FGGY: variants seen among roughly 807,000 people sequenced by gnomAD.
FGGY encodes the protein FGGY carbohydrate kinase domain-containing protein.
Under a neutral mutation model 71.3 loss-of-function variants are expected in FGGY, and 72 were observed. That is an observed-to-expected ratio of 1.01 (90% CI 0.84 to 1.23). The LOEUF is 1.23. Among genes scored for constraint, FGGY ranks in the 50% most tolerant of loss-of-function variants. The probability of loss-of-function intolerance (pLI) is 0.00; values close to 1 mark genes in which losing one functional copy is unlikely to be tolerated. For missense variants in FGGY, 668 were observed against 682.3 expected, an observed-to-expected ratio of 0.98 and a Z score of 0.23; for synonymous variants, 251 against 250.3, an observed-to-expected ratio of 1.00 and a Z score of -0.02.
At chr1:59,593,195 C>T (rs1571843612) in intron 8 of FGGY, among the ~76,000 whole-genome samples, 1 of 152,214 alleles carries the variant, frequency 6.6e-6, no homozygotes, top group African/African-American at 2.4e-5. Context: ...TGAATCAAAA[C>T]AGAAATGAAC....
intron 8 of FGGY, among the ~76,000 whole-genome samples, chr1:59,558,949 G>A (rs1237608938): frequency 6.6e-6 from 1 of 152,142 alleles, no homozygotes; most frequent in East Asian, 1.9e-4. Context: ...TCTGCAAGAA[G>A]AAAAATATGG....
At chr1:59,354,136 A>C (rs1246626799) in intron 4 of FGGY, among the ~76,000 whole-genome samples, 1 of 152,064 alleles carries the variant, frequency 6.6e-6, no homozygotes, top group East Asian at 1.9e-4. Flanking sequence ...GGAGTACAGT[A>C]GCACAGTCTT....
At chr1:59,547,166 T>G (rs1278537094) in intron 7 of FGGY, among the ~76,000 whole-genome samples, 1 of 151,826 alleles carries the variant, frequency 6.6e-6, no homozygotes, top group South Asian at 2.1e-4. Context: ...TTAGCCAGGC[T>G]GGTCTTGAAC....
At chr1:59,313,682 A>T (rs1054802020) in intron 1 of FGGY, among the ~76,000 whole-genome samples, 2 of 152,216 alleles carry the variant, frequency 1.3e-5, no homozygotes, top group Admixed American at 6.5e-5. Flanking sequence ...GGAGACTATT[A>T]TTCTAAGTGA....
chr1:59,523,566 C>G (rs962617278), intron 7 of FGGY, among the ~76,000 whole-genome samples: 1 of 152,164 alleles, frequency 6.6e-6, no homozygotes, highest in East Asian at 1.9e-4. Flanking sequence ...TGCCTCAGTA[C>G]ACTCTGTAGC....
chr1:59,675,045 A>T (rs1244290385), intron 14 of FGGY, among the ~76,000 whole-genome samples: 3 of 152,188 alleles, frequency 2.0e-5, no homozygotes, highest in Non-Finnish European at 4.4e-5. Context: ...CAATAGCTCT[A>T]TTATCCCCAT....
At position 59,667,385 on chromosome 1, in the gene FGGY, A is replaced by C. The variant is rs1397225985; in HGVS notation, c.1399A>C (p.Met467Leu). 1 of 1,614,040 alleles carries C rather than the reference A, an allele frequency of 6.2e-7. No individual in the cohort carries two copies. Residue 467 changes from methionine to leucine, a missense_variant, in exon 13 of 16, where the codon ATG (methionine) becomes CTG (leucine). Transcript: ENST00000303721. ...GLSKNPLFVQ[M>L]HADITGMPVV... ...CAGCAAGAATCCCCTTTTTGTGCAAATGCATGCGGACATTACTGGTAAGTC... is the reference window on the plus strand; with the variant it reads ...CAGCAAGAATCCCCTTTTTGTGCAACTGCATGCGGACATTACTGGTAAGTC...
At chr1:59,596,833 G>A (rs1227149647) in intron 8 of FGGY, among the ~76,000 whole-genome samples, 1 of 152,150 alleles carries the variant, frequency 6.6e-6, no homozygotes, top group Non-Finnish European at 1.5e-5. Flanking sequence ...AACATATCAG[G>A]CAGCTAGGGA....
rs1390701332 is a variant in FGGY at position 59,683,986 on chromosome 1, A to C, written c.1512+9853A>C. Among the ~76,000 whole-genome samples, 5 of 152,116 alleles carry C rather than the reference A, an allele frequency of 3.3e-5. No individual in the cohort carries two copies. The East Asian group carries it at 9.6e-4, about 29-fold the overall frequency. On this transcript the variant is annotated intron_variant, in intron 14 of 15. Transcript: ENST00000303721. ...TGCTGGAGATTGGGTGGGCTGTGAT[A>C]GTTGGGCTGACAGATGACAGTGGAC...
intron 4 of FGGY, among the ~76,000 whole-genome samples, chr1:59,356,097 G>A (rs1407839376): frequency 6.6e-6 from 1 of 152,112 alleles, no homozygotes; most frequent in East Asian, 1.9e-4. Context: ...GCCTTCTTTA[G>A]AAGGGGTCGG....
chr1:59,617,065 T>A (rs2153830890), intron 9 of FGGY, among the ~76,000 whole-genome samples: 1 of 152,260 alleles, frequency 6.6e-6, no homozygotes, highest in African/African-American at 2.4e-5. Flanking sequence ...TAGGACATGA[T>A]AAGAAAAAGT....
chr1:59,611,669 G>A (rs944008585), intron 9 of FGGY, among the ~76,000 whole-genome samples: 2 of 152,238 alleles, frequency 1.3e-5, no homozygotes, highest in Admixed American at 6.5e-5. Context: ...GACGAGTTGA[G>A]AGAAGAAGGC....
At chr1:59,535,931 G>A (rs1411072201) in intron 7 of FGGY, among the ~76,000 whole-genome samples, 1 of 147,676 alleles carries the variant, frequency 6.8e-6, no homozygotes, top group Admixed American at 6.6e-5. Context: ...AACTAGAAAA[G>A]CAAGAGCAAA....
chr1:59,478,454 G>T (rs533229861), intron 6 of FGGY, among the ~76,000 whole-genome samples: 2 of 152,130 alleles, frequency 1.3e-5, no homozygotes, highest in Non-Finnish European at 2.9e-5. Flanking sequence ...TTTTATATTT[G>T]CCTACTAGTT....
At chr1:59,496,377 C>T (rs1328896454) in intron 6 of FGGY, among the ~76,000 whole-genome samples, 2 of 152,180 alleles carry the variant, frequency 1.3e-5, no homozygotes, top group Non-Finnish European at 2.9e-5. Context: ...TCCTCTGCAG[C>T]AACATGAATG....
At chr1:59,482,822 A>T (rs1340742711) in intron 6 of FGGY, among the ~76,000 whole-genome samples, 3 of 152,078 alleles carry the variant, frequency 2.0e-5, no homozygotes, top group African/African-American at 7.2e-5. Flanking sequence ...TTATCTAGTT[A>T]TTACAAAAGT....
chr1:59,325,220 G>A (rs998662806), intron 2 of FGGY, among the ~76,000 whole-genome samples: 3 of 152,070 alleles, frequency 2.0e-5, no homozygotes, highest in Admixed American at 6.5e-5. Context: ...AACCAGGTGT[G>A]GTGGCGGGCG....
rs185087448 is a variant in FGGY, at chr1:59,581,028, G to A, written c.904-26775G>A. On this transcript the variant is annotated intron_variant, in intron 8 of 15. Transcript: ENST00000303721. The stretch of plus-strand genomic sequence containing the variant: ...AAACTTTTCATGTAATTTATACATA[G>A]GGGAAATGACACTGGCTGTTGAGCA... Among the ~76,000 whole-genome samples the A allele has an allele frequency of 4.6e-5, 7 of 152,228 alleles. No individual in the cohort carries two copies. In the South Asian group the frequency reaches 1.5e-3, roughly 32 times the overall value.
chr1:59,352,263 G>C (rs1231215205), intron 4 of FGGY, among the ~76,000 whole-genome samples: 1 of 152,214 alleles, frequency 6.6e-6, no homozygotes, highest in East Asian at 1.9e-4. Flanking sequence ...GAGAGTTGCT[G>C]AGCTGATGTG....
Sources: allele counts gnomAD v4.1 joint callset (sites outside exome capture counted in the v4.1 genomes callset), GRCh38; gene constraint gnomAD v4.1.1; transcripts MANE v1.5; gene names NCBI Gene and HGNC (gene_info 2026-07-23, HGNC 2026-07-21).